OLFM1: variants seen among roughly 807,000 people sequenced by gnomAD.
OLFM1 encodes noelin.
Under a neutral mutation model 49.7 loss-of-function variants are expected in OLFM1, and 9 were observed. The observed-to-expected ratio is 0.18, with a 90% confidence interval of 0.11 to 0.32. The LOEUF (loss-of-function observed/expected upper bound fraction) is 0.32. OLFM1 is among the 10% of genes least tolerant of loss of function. The pLI, the probability that OLFM1 is intolerant of heterozygous loss-of-function variation, is 1.00. For synonymous variants in OLFM1, 240 were observed against 271.8 expected, an observed-to-expected ratio of 0.88 and a Z score of 1.15; for missense variants, 369 against 661.8, an observed-to-expected ratio of 0.56 and a Z score of 4.85.
rs982709548 is a variant in OLFM1 at position 135,119,717 on chromosome 9, AC to A, written c.1000del (p.Arg334AlafsTer141). On this transcript the variant is annotated frameshift_variant, in exon 6 of 6. Coordinates refer to ENST00000371793, the MANE Select transcript of OLFM1 (RefSeq NM_001282611.2). LOFTEE classifies it high-confidence loss of function. ...FDLKTETILK[T>X]RSLDYAGYNN... is the part of the protein sequence containing the mutation. ...CCTGAAGACAGAGACCATCCTCAAG[AC>A]CCGCAGCCTGGACTATGCCGGTTAC... is the stretch of plus-strand genomic sequence containing the variant. 6.2e-7 allele frequency: 1 copy of A among 1,613,878 alleles called. No homozygotes were observed. Among genetic ancestry groups the A allele is most frequent in the Non-Finnish European group, 8.5e-7 (1 of 1,180,016 alleles).
intron 1 of OLFM1, chr9:135,076,042 C>T (rs1830460680): frequency 2.8e-6 from 4 of 1,449,600 alleles, no homozygotes; most frequent in Non-Finnish European, 2.7e-6. Flanking sequence ...CTGACAGCTG[C>T]CCCCTTTTTC....
At chr9:135,095,230 G>A (rs1830772279) in intron 2 of OLFM1, 1 of 152,202 alleles carries the variant, frequency 6.6e-6, no homozygotes, top group South Asian at 2.1e-4. Flanking sequence ...CATGTTTGCA[G>A]AGCAGTCATC....
chr9:135,089,405 G>A (rs896126214), intron 1 of OLFM1, among the ~76,000 whole-genome samples: 4 of 152,014 alleles, frequency 2.6e-5, no homozygotes, highest in African/African-American at 7.3e-5. Context: ...AGGAGTGCCC[G>A]CCCCGGTACC....
In OLFM1 at chr9:135,090,339, G is replaced by C. The variant is rs541355970; in HGVS notation, c.295G>C (p.Glu99Gln). ...CACAAAACAGCTGAGGCAGCTACTGGAGAAGGTGAGTCTGCGCAGAGTGTG... is the reference window on the plus strand; with the variant it reads ...CACAAAACAGCTGAGGCAGCTACTGCAGAAGGTGAGTCTGCGCAGAGTGTG... ...ARTKQLRQLL[E>Q]KVQNMSQSIE... The change falls in exon 2 of 6, where the codon GAG (glutamate) becomes CAG (glutamine). Residue 99 changes from glutamate to glutamine, a missense_variant. Coordinates refer to ENST00000371793, the MANE Select transcript of OLFM1 (RefSeq NM_001282611.2). The C allele has an allele frequency of 1.2e-6, 2 of 1,613,578 alleles. No individual in the cohort carries two copies. Among genetic ancestry groups the C allele is most frequent in the African/African-American group, 2.7e-5 (2 of 74,856 alleles).
intron 1 of OLFM1, 77 bp from the exon 2 acceptor site, chr9:135,090,118 G>C (rs1041219367): frequency 7.3e-7 from 1 of 1,361,494 alleles, no homozygotes. Context: ...GTTTCCCCTG[G>C]TTGTTGGCTC....
upstream of OLFM1, among the ~76,000 whole-genome samples, chr9:135,084,674 A>G (rs1325621365): frequency 6.6e-6 from 1 of 151,326 alleles, no homozygotes; most frequent in African/African-American, 2.4e-5. This position sits in a 1 kb window ranked among gnomAD's most constrained non-coding sequence, Gnocchi z 4.6. Context: ...ATTTGCCAAT[A>G]GCCTGAGGAG....
intron 4 of OLFM1, among the ~76,000 whole-genome samples, chr9:135,102,345 T>C (rs1343018962): frequency 6.6e-6 from 1 of 152,178 alleles, no homozygotes; most frequent in East Asian, 1.9e-4. Flanking sequence ...TGAGCCACTG[T>C]CACCAGCACA....
intron 5 of OLFM1, among the ~76,000 whole-genome samples, chr9:135,114,938 A>C (rs11790145): frequency 0.15 from 23,522 of 151,998 alleles, 2,039 homozygotes; most frequent in African/African-American, 0.23. Flanking sequence ...CACAGTGTGG[A>C]CCCCGGAGCT....
chr9:135,086,265 C>T (rs1004076031), upstream of OLFM1, among the ~76,000 whole-genome samples: 1 of 152,256 alleles, frequency 6.6e-6, no homozygotes, highest in Non-Finnish European at 1.5e-5. Flanking sequence ...GTTGGAATTT[C>T]CTGGCATCCG....
At chr9:135,110,742 C>G (rs900315494) in intron 5 of OLFM1, among the ~76,000 whole-genome samples, 2 of 152,214 alleles carry the variant, frequency 1.3e-5, no homozygotes, top group African/African-American at 4.8e-5. Context: ...CCGGCAGAAA[C>G]TGCCAGCATC....
upstream of OLFM1, among the ~76,000 whole-genome samples, chr9:135,085,062 C>T (rs967429808): frequency 6.6e-6 from 1 of 152,140 alleles, no homozygotes; most frequent in African/African-American, 2.4e-5. Flanking sequence ...AGGGGGTGTG[C>T]TTGTTTTTAT....
At chr9:135,119,418 C>G (rs1831154938) in intron 5 of OLFM1, 86 bp from the exon 6 acceptor site, 1 of 1,171,552 alleles carries the variant, frequency 8.5e-7, no homozygotes. Flanking sequence ...GGAGTACTCA[C>G]TGGATCTTTG....
intron 5 of OLFM1, among the ~76,000 whole-genome samples, chr9:135,111,622 G>A (rs1831024455): frequency 6.6e-6 from 1 of 152,170 alleles, no homozygotes; most frequent in Admixed American, 6.5e-5. Flanking sequence ...CCTGTGGGTG[G>A]CGTGGTTCAG....
chr9:135,087,543 C>G, upstream of OLFM1: 1 of 1,250,752 alleles, frequency 8.0e-7, no homozygotes, highest in Non-Finnish European at 1.1e-6. Context: ...TGCCAGCAGC[C>G]AGGGGGCGGC....
Position 135,098,529 on chromosome 9 carries a change from G to A in OLFM1, c.676+24G>A, listed in dbSNP as rs373983526. 1.3e-5 allele frequency: 21 copies of A among 1,595,106 alleles called. No homozygotes were observed. In the African/African-American group the frequency reaches 2.5e-4, roughly 19 times the overall value. On this transcript the variant is annotated intron_variant, in intron 4 of 5. Transcript: ENST00000371793. The surrounding 1 kb of genome is among the most constrained non-coding windows in gnomAD (Gnocchi z 5.6). The stretch of plus-strand genomic sequence containing the variant: ...AGGTAGGCCCAGTACCCTGCGGGAC[G>A]TGGCGCTGCACTGCCCACCTCCGGC...
At chr9:135,075,910 C>A in intron 1 of OLFM1, 1 of 1,302,094 alleles carries the variant, frequency 7.7e-7, no homozygotes, top group Non-Finnish European at 9.9e-7. Context: ...CCCGCGCCCC[C>A]GGCCTGGGCG....
At chr9:135,116,319 G>A (rs571408680) in intron 5 of OLFM1, among the ~76,000 whole-genome samples, 2 of 152,234 alleles carry the variant, frequency 1.3e-5, no homozygotes, top group Non-Finnish European at 1.5e-5. Context: ...CGCTCAGAGC[G>A]GCCTCCCCTG....
intron 4 of OLFM1, among the ~76,000 whole-genome samples, chr9:135,104,760 G>GC (rs1453511243): frequency 6.6e-6 from 1 of 152,108 alleles, no homozygotes; most frequent in African/African-American, 2.4e-5. Flanking sequence ...GAAGCCCAGG[G>GC]CCCCCCAGCA....
At chr9:135,110,879 A>G (rs1052867904) in intron 5 of OLFM1, among the ~76,000 whole-genome samples, 11 of 152,246 alleles carry the variant, frequency 7.2e-5, no homozygotes, top group African/African-American at 2.7e-4. Context: ...GCCAAACCAA[A>G]GGGAAGTGCC....
Sources: allele counts gnomAD v4.1 joint callset (sites outside exome capture counted in the v4.1 genomes callset), GRCh38; gene constraint gnomAD v4.1.1; non-coding constraint Gnocchi (gnomAD v3.1); transcripts MANE v1.5; gene names NCBI Gene and HGNC (gene_info 2026-07-23, HGNC 2026-07-21).